Variants in DKK4 observed in about 807,000 individuals in gnomAD.
DKK4 encodes dickkopf-related protein 4.
DKK4 carries 15 observed loss-of-function variants against 14.5 expected under a neutral mutation model. The observed-to-expected ratio is 1.03, with a 90% confidence interval of 0.69 to 1.59. The LOEUF (loss-of-function observed/expected upper bound fraction) is 1.59, where lower values mean the gene tolerates loss of function less well. Among genes scored for constraint, DKK4 ranks in the 40% most tolerant of loss-of-function variants. The pLI, the probability that DKK4 is intolerant of heterozygous loss-of-function variation, is 0.00. For synonymous variants in DKK4, 89 were observed against 105.2 expected (o/e 0.85, Z 0.94); for missense variants, 272 against 280.3 (o/e 0.97, Z 0.21).
At chr8:42,379,743 G>T (rs1347306778), upstream of DKK4, among the ~76,000 whole-genome samples, 1 of 152,094 alleles carries the variant, frequency 6.6e-6, no homozygotes, top group Non-Finnish European at 1.5e-5. Flanking sequence ...AGAGGGTGAG[G>T]TGTGTGCAAG....
the DKK4 span, among the ~76,000 whole-genome samples, chr8:42,390,956 C>T: frequency 2.0e-5 from 3 of 152,148 alleles, no homozygotes; most frequent in East Asian, 5.8e-4. Flanking sequence ...ACATCCTCAA[C>T]GGTCCACTGA....
intron 2 of DKK4, among the ~76,000 whole-genome samples, chr8:42,375,189 CATT>C (rs1824533030): frequency 1.3e-5 from 2 of 152,280 alleles, no homozygotes; most frequent in Non-Finnish European, 2.9e-5. Flanking sequence ...CCTTTAAAAT[CATT>C]ATCTCCAAGT....
At chr8:42,375,357 A>G (rs539107503) in intron 2 of DKK4, among the ~76,000 whole-genome samples, 128 of 152,236 alleles carry the variant, frequency 8.4e-4, no homozygotes, top group African/African-American at 2.9e-3. Flanking sequence ...CCTGACCAAC[A>G]TGGTGAAACC....
chr8:42,390,544 T>C, the DKK4 span, among the ~76,000 whole-genome samples: 13 of 151,576 alleles, frequency 8.6e-5, no homozygotes, highest in Non-Finnish European at 1.5e-4. Flanking sequence ...TTTGTATTTT[T>C]AGTAGAGGCG....
chr8:42,377,159 T>C lies in DKK4; in HGVS notation c.-114A>G. On this transcript the variant is annotated 5_prime_UTR_variant, in exon 1 of 4. Coordinates refer to ENST00000220812, the MANE Select transcript of DKK4 (RefSeq NM_014420.3). The stretch of plus-strand genomic sequence containing the variant: ...CTGGCAGCTCAGCACGTCGTCTGTT[T>C]GTCACTGCTTTTTCTGAAAGAAGTA... 1.3e-6 allele frequency: 1 copy of C among 779,186 alleles called. No homozygotes were observed. Among genetic ancestry groups the C allele is most frequent in the South Asian group, 1.7e-5 (1 of 58,754 alleles). 48.3% of individuals were successfully genotyped at this position (779,186 alleles called of 1,614,324 possible). A position where few individuals can be genotyped will look rare whatever the true frequency, so the allele number is the denominator to read the frequency against.
the DKK4 span, among the ~76,000 whole-genome samples, chr8:42,389,600 C>T: frequency 6.6e-6 from 1 of 152,290 alleles, no homozygotes; most frequent in East Asian, 1.9e-4. Context: ...CAAGCAGCAA[C>T]TTGGTATTGT....
At chr8:42,376,590 T>C (rs916455719) in intron 1 of DKK4, among the ~76,000 whole-genome samples, 2 of 152,156 alleles carry the variant, frequency 1.3e-5, no homozygotes, top group African/African-American at 4.8e-5. Flanking sequence ...TATTTCCTCA[T>C]CTGGAATTAG....
At chr8:42,379,411 A>AGG (rs1824629590), upstream of DKK4, among the ~76,000 whole-genome samples, 1 of 134,222 alleles carries the variant, frequency 7.5e-6, no homozygotes, top group African/African-American at 2.7e-5. Flanking sequence ...AGAGAGAGAG[A>AGG]GAGAGAGAGA....
chr8:42,376,621 A>G (rs552661614), intron 1 of DKK4, among the ~76,000 whole-genome samples: 1 of 152,220 alleles, frequency 6.6e-6, no homozygotes, highest in East Asian at 1.9e-4. Context: ...ACCTATCTCA[A>G]ATTGTGAGGA....
At chr8:42,380,036 C>T (rs1195881781), upstream of DKK4, among the ~76,000 whole-genome samples, 1 of 151,954 alleles carries the variant, frequency 6.6e-6, no homozygotes, top group African/African-American at 2.4e-5. Context: ...ACCCTGTCTC[C>T]ACAAAAAATA....
chr8:42,374,461 A>C (rs757219255), intron 3 of DKK4, 102 bp from the exon 4 acceptor site: 168 of 1,489,402 alleles, frequency 1.1e-4, no homozygotes, highest in Non-Finnish European at 1.5e-4. Flanking sequence ...TGACAGCCAC[A>C]AAGTAAAAAC....
At chr8:42,381,029 T>G (rs1435937947), upstream of DKK4, among the ~76,000 whole-genome samples, 1 of 152,092 alleles carries the variant, frequency 6.6e-6, no homozygotes, top group South Asian at 2.1e-4. Context: ...AGTATGGTGC[T>G]TAGGTTGCAC....
At chr8:42,390,521 G>A in the DKK4 span, among the ~76,000 whole-genome samples, 1 of 151,300 alleles carries the variant, frequency 6.6e-6, no homozygotes, top group South Asian at 2.1e-4. Context: ...CCGCCACCAC[G>A]CCCGGCTAAT....
chr8:42,388,798 T>C, the DKK4 span, among the ~76,000 whole-genome samples: 2 of 152,158 alleles, frequency 1.3e-5, no homozygotes, highest in Non-Finnish European at 2.9e-5. Flanking sequence ...CTCGATCTCT[T>C]GGCCTTGTGA....
chr8:42,386,992 G>C, the DKK4 span, among the ~76,000 whole-genome samples: 1 of 152,184 alleles, frequency 6.6e-6, no homozygotes. Flanking sequence ...GGCTCAGCGG[G>C]TGACCTGGGC....
chr8:42,374,087 T>C lies in DKK4; in HGVS notation c.*13A>G, dbSNP rs1435257917. 2 of 1,608,384 alleles carry C rather than the reference T, an allele frequency of 1.2e-6. No homozygotes were observed. Among genetic ancestry groups the C allele is most frequent in the Non-Finnish European group, 1.7e-6 (2 of 1,179,160 alleles). On this transcript the variant is annotated 3_prime_UTR_variant, in exon 4 of 4. Coordinates refer to ENST00000220812, the MANE Select transcript of DKK4 (RefSeq NM_014420.3). ...CTCAAATGCAATGTGGATTCTTCTT[T>C]ATTTTGAAATATTTATAGCTTTTCT...
At chr8:42,374,612 G>T in intron 3 of DKK4, 149 bp downstream of exon 3, 2 of 1,248,022 alleles carry the variant, frequency 1.6e-6, no homozygotes, top group Non-Finnish European at 2.2e-6. Context: ...GACCCCCACA[G>T]CTTCTTACAG....
At chr8:42,382,741 G>T in the DKK4 span, among the ~76,000 whole-genome samples, 3 of 152,342 alleles carry the variant, frequency 2.0e-5, no homozygotes, top group East Asian at 5.8e-4. Context: ...TTCAAGTTTT[G>T]CAGTGAGCGC....
At chr8:42,381,447 G>T (rs1388420286), upstream of DKK4, among the ~76,000 whole-genome samples, 1 of 152,196 alleles carries the variant, frequency 6.6e-6, no homozygotes, top group African/African-American at 2.4e-5. Flanking sequence ...ACAGAGAGGA[G>T]TGGGTGCAAG....
Sources: allele counts gnomAD v4.1 joint callset (sites outside exome capture counted in the v4.1 genomes callset), GRCh38; gene constraint gnomAD v4.1.1; transcripts MANE v1.5; gene names NCBI Gene and HGNC (gene_info 2026-07-23, HGNC 2026-07-21).